OR56B2: variants seen among roughly 807,000 people sequenced by gnomAD.
The protein encoded by OR56B2 is olfactory receptor family 56 subfamily B member 2.
chr11:5,762,614 T>C, the OR56B2 span, among the ~76,000 whole-genome samples: 1 of 152,088 alleles, frequency 6.6e-6, no homozygotes, highest in Non-Finnish European at 1.5e-5. Flanking sequence ...GATAGATCAG[T>C]AGACTGACTA....
At chr11:5,766,153 A>T in the OR56B2 span, 2 of 141,032 alleles carry the variant, frequency 1.4e-5, 1 homozygote, top group Non-Finnish European at 3.1e-5. Flanking sequence ...ACAAAGAAAT[A>T]GCATAATGAA....
the OR56B2 span, among the ~76,000 whole-genome samples, chr11:5,763,316 TATTA>T: frequency 0.73 from 100,594 of 137,812 alleles, 38,234 homozygotes; most frequent in Middle Eastern, 0.82. Context: ...TATATTTATT[TATTA>T]ATTTATTTTT....
the OR56B2 span, among the ~76,000 whole-genome samples, chr11:5,768,387 CA>C: frequency 3.6e-5 from 5 of 139,720 alleles, 1 homozygote; most frequent in Admixed American, 1.5e-4. Flanking sequence ...CACGTTGCTG[CA>C]AAAAACATTA....
the OR56B2 span, chr11:5,766,438 T>C: frequency 2.8e-5 from 4 of 140,832 alleles, 1 homozygote; most frequent in Non-Finnish European, 4.7e-5. Context: ...TTTGATGTAA[T>C]AATTGATAAA....
the OR56B2 span, among the ~76,000 whole-genome samples, chr11:5,762,842 C>G: frequency 1.3e-5 from 2 of 151,910 alleles, no homozygotes; most frequent in South Asian, 4.1e-4. Context: ...TTACCATAAC[C>G]ATACTTTGTC....
chr11:5,768,277 T>G, the OR56B2 span, among the ~76,000 whole-genome samples: 7 of 134,822 alleles, frequency 5.2e-5, 2 homozygotes, highest in Admixed American at 4.5e-4. Context: ...TATGCCTATG[T>G]GTACACATTA....
the OR56B2 span, among the ~76,000 whole-genome samples, chr11:5,763,138 A>G: frequency 0.016 from 2,385 of 152,228 alleles, 55 homozygotes; most frequent in African/African-American, 0.055. Flanking sequence ...AATCTATAAG[A>G]ATCAGTATGT....
the OR56B2 span, chr11:5,765,822 T>C: frequency 7.1e-6 from 1 of 140,642 alleles, no homozygotes; most frequent in Non-Finnish European, 1.6e-5. Flanking sequence ...AGAAGCTGCA[T>C]CCAAGGCCTT....
the OR56B2 span, among the ~76,000 whole-genome samples, chr11:5,761,522 GTTTA>G: frequency 0.06 from 9,165 of 152,076 alleles, 334 homozygotes; most frequent in African/African-American, 0.084. Flanking sequence ...GATATTTCTT[GTTTA>G]TTTATTGTTT....
the OR56B2 span, chr11:5,766,773 T>C: frequency 2.1e-5 from 3 of 139,986 alleles, 1 homozygote; most frequent in Non-Finnish European, 4.7e-5. Flanking sequence ...GAAATCTCAA[T>C]ACATTGTTGG....
the OR56B2 span, among the ~76,000 whole-genome samples, chr11:5,763,107 T>C: frequency 6.6e-6 from 1 of 152,180 alleles, no homozygotes; most frequent in South Asian, 2.1e-4. Flanking sequence ...AACCTGAGTC[T>C]CTTTTTTAAT....
the OR56B2 span, among the ~76,000 whole-genome samples, chr11:5,763,615 C>T: frequency 2.1e-5 from 3 of 140,234 alleles, 1 homozygote; most frequent in Non-Finnish European, 3.2e-5. Context: ...CTGGCCTCCA[C>T]TATATTTTTA....
chr11:5,764,405 T>TC, the OR56B2 span, among the ~76,000 whole-genome samples: 1 of 140,370 alleles, frequency 7.1e-6, no homozygotes, highest in Non-Finnish European at 1.6e-5. Context: ...CAAGTAGAAA[T>TC]AAGTAACACA....
chr11:5,766,332 T>C, the OR56B2 span: 2 of 140,684 alleles, frequency 1.4e-5, 1 homozygote, highest in Admixed American at 1.5e-4. Context: ...TACCCACTTG[T>C]CTTAGCTAAA....
At chr11:5,764,708 A>G in the OR56B2 span, among the ~76,000 whole-genome samples, 1 of 140,260 alleles carries the variant, frequency 7.1e-6, no homozygotes, top group Non-Finnish European at 1.6e-5. Context: ...CTGAGTTTAT[A>G]CATTAGGTCT....
chr11:5,766,060 A>C, the OR56B2 span: 1 of 140,584 alleles, frequency 7.1e-6, no homozygotes. Context: ...AGGGCACCTG[A>C]TATGGAAAAG....
At chr11:5,765,627 T>A in the OR56B2 span, 1 of 140,732 alleles carries the variant, frequency 7.1e-6, no homozygotes, top group African/African-American at 2.6e-5. Context: ...GCATTACTGC[T>A]CCCAGAATCA....
the OR56B2 span, among the ~76,000 whole-genome samples, chr11:5,763,567 T>G: frequency 5.0e-5 from 7 of 140,240 alleles, no homozygotes; most frequent in African/African-American, 2.6e-5. Context: ...CTGCCTGGCC[T>G]CCCAAAGTGC....
At chr11:5,767,257 C>T in the OR56B2 span, 4 of 138,788 alleles carry the variant, frequency 2.9e-5, 1 homozygote, top group African/African-American at 1.1e-4. Context: ...AGTTATGTAA[C>T]AGAGAAAACT....
Sources: allele counts gnomAD v4.1 joint callset (sites outside exome capture counted in the v4.1 genomes callset), GRCh38; gene constraint gnomAD v4.1.1; transcripts MANE v1.5; gene names NCBI Gene and HGNC (gene_info 2026-07-23, HGNC 2026-07-21).